The following MAST4 variants were observed in gnomAD, a reference collection of about 807,000 sequenced individuals.
MAST4 encodes microtubule associated serine/threonine kinase family member 4, also known as microtubule-associated serine/threonine-protein kinase 4.
In MAST4, 89 loss-of-function variants were observed where a neutral mutation model predicts 162.7. The ratio of observed to expected loss-of-function variants is 0.55; its 90% CI spans 0.46 to 0.65. The LOEUF (loss-of-function observed/expected upper bound fraction) is 0.65. Among genes scored for constraint, MAST4 ranks in the 30% least tolerant of loss-of-function variants. The probability of loss-of-function intolerance (pLI) is 0.00; values close to 1 mark genes in which losing one functional copy is unlikely to be tolerated. For missense variants in MAST4, 3,153 were observed against 3,374.0 expected, an observed-to-expected ratio of 0.93 and a Z score of 1.62; for synonymous variants, 1,479 against 1,361.1, an observed-to-expected ratio of 1.09 and a Z score of -1.91.
chr5:66,630,262 A>G (rs1744711737), intron 1 of MAST4, among the ~76,000 whole-genome samples: 1 of 152,234 alleles, frequency 6.6e-6, no homozygotes, highest in Admixed American at 6.5e-5. Flanking sequence ...ATATCAAACC[A>G]TAACTTCTTG....
intron 4 of MAST4, among the ~76,000 whole-genome samples, chr5:67,016,264 A>G (rs1753276806): frequency 6.6e-6 from 1 of 152,210 alleles, no homozygotes; most frequent in Non-Finnish European, 1.5e-5. Context: ...ATTGAGGATT[A>G]GAGAAATTAC....
At chr5:66,897,398 T>G (rs575511694) in intron 3 of MAST4, among the ~76,000 whole-genome samples, 1 of 152,376 alleles carries the variant, frequency 6.6e-6, no homozygotes, top group African/African-American at 2.4e-5. Context: ...TGCCGTTCAT[T>G]GACGTCTGAC....
At chr5:66,708,330 ATC>A (rs779248515) in intron 1 of MAST4, among the ~76,000 whole-genome samples, 18 of 152,138 alleles carry the variant, frequency 1.2e-4, no homozygotes, top group Non-Finnish European at 2.5e-4. Context: ...TGGTGATAAT[ATC>A]TCTATCACTG....
At chr5:66,759,954 A>T (rs570510399) in intron 2 of MAST4, 92 bp downstream of exon 2, 1 of 1,393,336 alleles carries the variant, frequency 7.2e-7, no homozygotes, top group African/African-American at 1.4e-5. Flanking sequence ...CAGCTTTCTT[A>T]AGAATGGGCC....
At position 67,145,242 on chromosome 5, in the gene MAST4, A is replaced by G; in HGVS notation, c.2957A>G (p.Glu986Gly). The change falls in exon 23 of 29, where the codon GAG becomes GGG. Residue 986 changes from glutamate (E) to glycine (G), a missense_variant. Physicochemically the swap from Glu to Gly is moderately conservative, Grantham distance 98. Transcript: ENST00000403625. Reference protein sequence around the residue: ...LPKLAISTEGEQDEAASCPGD... With the variant: ...LPKLAISTEGGQDEAASCPGD... ...AAACTGGCTATTTCAACAGAGGGAG[A>G]GCAAGATGAAGCTGCCTCCTGCCCT... 1 of 1,613,784 alleles carries G rather than the reference A, an allele frequency of 6.2e-7. No individual in the cohort carries two copies. Among genetic ancestry groups the G allele is most frequent in the Non-Finnish European group, 8.5e-7 (1 of 1,179,794 alleles).
At chr5:67,083,474 T>G (rs1373772428) in intron 5 of MAST4, among the ~76,000 whole-genome samples, 1 of 152,144 alleles carries the variant, frequency 6.6e-6, no homozygotes, top group Non-Finnish European at 1.5e-5. Context: ...TTTAAATACT[T>G]TCTCTTTGAC....
intron 1 of MAST4, among the ~76,000 whole-genome samples, chr5:66,733,158 A>G (rs930651439): frequency 2.6e-5 from 4 of 152,106 alleles, no homozygotes; most frequent in African/African-American, 9.7e-5. Flanking sequence ...CCTTTTGCCT[A>G]TGAAATACAG....
At chr5:66,679,326 G>A (rs1175358619) in intron 1 of MAST4, among the ~76,000 whole-genome samples, 2 of 152,148 alleles carry the variant, frequency 1.3e-5, no homozygotes, top group Admixed American at 6.5e-5. Context: ...CAGATTTAGT[G>A]GTCAATTGCA....
chr5:66,610,676 A>G lies in MAST4; in HGVS notation c.363+13658A>G, dbSNP rs368124401. 8.5e-5 allele frequency among the ~76,000 whole-genome samples: 13 copies of G among 152,272 alleles called. No homozygotes were observed. In the East Asian group the frequency reaches 9.7e-4, roughly 11 times the overall value. On this transcript the variant is annotated intron_variant, in intron 1 of 28. Coordinates refer to ENST00000403625, the MANE Select transcript of MAST4 (RefSeq NM_001164664.2). ...GGCAATATAGCAGCTTCTGAGGTGG[A>G]TGACTATGCACAGGTAATTCTCAGC...
chr5:66,987,604 G>GA lies in MAST4; in HGVS notation c.675-66794dup, dbSNP rs1749662847. On this transcript the variant is annotated intron_variant, in intron 4 of 28. Transcript: ENST00000403625. ...GTTCCTTATGTAACAAAACTGTACTGAAAAAATGTGGTATTTTTCTTTCTC... is the reference window on the plus strand; with the variant it reads ...GTTCCTTATGTAACAAAACTGTACTGAAAAAAATGTGGTATTTTTCTTTCTC... 1.8e-4 allele frequency among the ~76,000 whole-genome samples: 28 copies of GA among 152,010 alleles called. 1 individual carries two copies. In the South Asian group the frequency reaches 5.8e-3, roughly 32 times the overall value.
In MAST4 at chr5:67,163,874, T is replaced by C; in HGVS notation, c.4695T>C (p.Ala1565=). ...HGPGSDLENF[A]LFKLEEREKK... is the part of the protein sequence containing the mutation. The stretch of plus-strand genomic sequence containing the variant: ...CCGGGAGTGATTTGGAAAACTTTGC[T>C]CTGTTTAAGCTGGAAGAGAGAGAGA... Residue 1565 remains alanine (A), a synonymous_variant, in exon 29 of 29, where the codon GCT becomes GCC. Coordinates refer to ENST00000403625, the MANE Select transcript of MAST4 (RefSeq NM_001164664.2). This position sits in a 1 kb window ranked among gnomAD's most constrained non-coding sequence, Gnocchi z 7.0. 1 of 1,613,924 alleles carries C rather than the reference T, an allele frequency of 6.2e-7. No homozygotes were observed. The highest frequency in any genetic ancestry group is 1.7e-5 in the Admixed American group (1 of 60,030).
intron 3 of MAST4, among the ~76,000 whole-genome samples, chr5:66,793,675 A>T (rs566576122): frequency 6.6e-6 from 1 of 152,184 alleles, no homozygotes; most frequent in Non-Finnish European, 1.5e-5. Flanking sequence ...CACCATGAAC[A>T]TTAGTTTCTG....
Position 66,729,188 on chromosome 5 carries a change from G to A in MAST4, c.364-30521G>A, listed in dbSNP as rs545567755. ...AGTGAATGCAATGATTATGCAATTA[G>A]GAATATTTAGGTATGAATTTTGTAC... On this transcript the variant is annotated intron_variant, in intron 1 of 28. Transcript: ENST00000403625. 3.3e-5 allele frequency among the ~76,000 whole-genome samples: 5 copies of A among 152,256 alleles called. No individual in the cohort carries two copies. In the East Asian group the frequency reaches 9.6e-4, roughly 29 times the overall value.
chr5:66,759,886 G>C (rs1158404738), intron 2 of MAST4, 24 bp downstream of exon 2: 4 of 1,612,312 alleles, frequency 2.5e-6, no homozygotes, highest in Non-Finnish European at 3.4e-6. Flanking sequence ...GCTTGGATGA[G>C]AGAAGGAATT....
At chr5:66,848,013 G>A (rs1407475219) in intron 3 of MAST4, among the ~76,000 whole-genome samples, 1 of 152,014 alleles carries the variant, frequency 6.6e-6, no homozygotes, top group African/African-American at 2.4e-5. Flanking sequence ...CCTCTTGCTG[G>A]ACTTTTGTGT....
rs2151046774 is a variant in MAST4, at chr5:67,144,652, A to G, written c.2731-17A>G. 1 of 1,611,746 alleles carries G rather than the reference A, an allele frequency of 6.2e-7. No individual in the cohort carries two copies. Among genetic ancestry groups the G allele is most frequent in the Non-Finnish European group, 8.5e-7 (1 of 1,179,016 alleles). ...TTTTTAGTAGATATTAATAAGCACC[A>G]ATTATTTGCCTTCCAGGTTTTCAGC... On this transcript the variant is annotated splice_polypyrimidine_tract_variant and intron_variant, in intron 21 of 28. Transcript: ENST00000403625.
intron 4 of MAST4, among the ~76,000 whole-genome samples, chr5:66,977,980 TTTTC>T (rs1461515256): frequency 6.6e-6 from 1 of 152,210 alleles, no homozygotes; most frequent in African/African-American, 2.4e-5. Context: ...TCAAAGTAGA[TTTTC>T]TTTTTCAGTG....
chr5:66,739,846 G>GTTTT (rs35980021), intron 1 of MAST4, among the ~76,000 whole-genome samples: 2 of 135,714 alleles, frequency 1.5e-5, no homozygotes, highest in Non-Finnish European at 3.1e-5. Context: ...CATCACTCTT[G>GTTTT]TTTTTTTTTT....
At chr5:67,101,145 A>T (rs1020305576) in intron 8 of MAST4, among the ~76,000 whole-genome samples, 1 of 152,202 alleles carries the variant, frequency 6.6e-6, no homozygotes, top group Non-Finnish European at 1.5e-5. Flanking sequence ...AGGAAGCAGA[A>T]TCTAAAACAG....
Sources: gnomAD v4.1 joint callset for allele counts (sites outside exome capture counted in the v4.1 genomes callset) on GRCh38, gnomAD v4.1.1 for gene constraint, Gnocchi (gnomAD v3.1) non-coding constraint, MANE v1.5 for transcripts, NCBI Gene and HGNC (gene_info 2026-07-23, HGNC 2026-07-21) for gene names.